CRIM1: variants seen among roughly 807,000 people sequenced by gnomAD.
The protein encoded by CRIM1 is cysteine-rich motor neuron 1 protein.
In CRIM1, 32 loss-of-function variants were observed where a neutral mutation model predicts 116.4. The ratio of observed to expected loss-of-function variants is 0.27; its 90% CI spans 0.21 to 0.37. The LOEUF is 0.37. Among genes scored for constraint, CRIM1 ranks in the 10% least tolerant of loss-of-function variants. CRIM1 has a pLI of 1.00. For missense variants in CRIM1, 1,331 were observed against 1,354.8 expected (o/e 0.98, Z 0.28); for synonymous variants, 590 against 509.2 (o/e 1.16, Z -2.13).
At chr2:36,454,943 C>T (rs1343968812) in intron 4 of CRIM1, among the ~76,000 whole-genome samples, 1 of 152,014 alleles carries the variant, frequency 6.6e-6, no homozygotes, top group Admixed American at 6.6e-5. Context: ...AAGGTAAAGG[C>T]GTTAGGAAGA....
intron 4 of CRIM1, among the ~76,000 whole-genome samples, chr2:36,443,181 T>A (rs1161487821): frequency 6.6e-6 from 1 of 152,234 alleles, no homozygotes; most frequent in Non-Finnish European, 1.5e-5. Context: ...CATTTCTTGC[T>A]GAGGTCAAGA....
chr2:36,523,906 T>C (rs1313823257), intron 13 of CRIM1, among the ~76,000 whole-genome samples: 2 of 152,218 alleles, frequency 1.3e-5, no homozygotes, highest in East Asian at 3.8e-4. Context: ...TGCGTGTTGG[T>C]ATATGAGATG....
chr2:36,361,726 A>G (rs908626182), intron 1 of CRIM1, among the ~76,000 whole-genome samples: 2 of 152,210 alleles, frequency 1.3e-5, no homozygotes, highest in African/African-American at 2.4e-5. Context: ...GTGTTGCTTT[A>G]GCCTGTAAAT....
intron 1 of CRIM1, among the ~76,000 whole-genome samples, chr2:36,394,067 G>A (rs1022212788): frequency 6.6e-6 from 1 of 152,170 alleles, no homozygotes; most frequent in Non-Finnish European, 1.5e-5. Context: ...ATTCAGGAGA[G>A]TGGTGTCTTC....
At chr2:36,534,606 GGACAGGAAGGAAGGAAGGAAAATACA>G (rs1291866852) in intron 13 of CRIM1, among the ~76,000 whole-genome samples, 7 of 147,234 alleles carry the variant, frequency 4.8e-5, no homozygotes, top group Non-Finnish European at 1.5e-5. Flanking sequence ...AGGGAGGGAG[GGACAGGAAGGAAGGAAGGAAAATACA>G]GACAGGAAGG....
chr2:36,483,090 G>A (rs1679542232), intron 7 of CRIM1, among the ~76,000 whole-genome samples: 1 of 152,090 alleles, frequency 6.6e-6, no homozygotes, highest in Non-Finnish European at 1.5e-5. Context: ...CCCAATTCAG[G>A]TATACAGATA....
At chr2:36,385,045 A>G (rs1047293754) in intron 1 of CRIM1, among the ~76,000 whole-genome samples, 3 of 151,886 alleles carry the variant, frequency 2.0e-5, no homozygotes, top group South Asian at 2.1e-4. Context: ...TGGAGTGTGT[A>G]GTAGGAATAA....
chr2:36,478,891 A>G (rs529911160), intron 6 of CRIM1, among the ~76,000 whole-genome samples: 2 of 151,998 alleles, frequency 1.3e-5, no homozygotes, highest in East Asian at 3.9e-4. Context: ...CTGGGGCTGC[A>G]GCTTAGCTTC....
chr2:36,508,440 G>T (rs1016137601), intron 8 of CRIM1, among the ~76,000 whole-genome samples: 1 of 152,180 alleles, frequency 6.6e-6, no homozygotes, highest in Non-Finnish European at 1.5e-5. Flanking sequence ...TGAGGGGACA[G>T]ATGCGTTCTG....
intron 7 of CRIM1, among the ~76,000 whole-genome samples, chr2:36,498,523 T>A (rs1197460165): frequency 6.6e-6 from 1 of 152,198 alleles, no homozygotes; most frequent in African/African-American, 2.4e-5. Flanking sequence ...CCCAAAGCAA[T>A]TCTTCATTAA....
chr2:36,470,548 A>G (rs572389772), intron 5 of CRIM1, among the ~76,000 whole-genome samples: 1 of 152,236 alleles, frequency 6.6e-6, no homozygotes, highest in African/African-American at 2.4e-5. Flanking sequence ...TGCTTTATAA[A>G]TGGAACAACA....
At chr2:36,382,034 G>A (rs1368514441) in intron 1 of CRIM1, among the ~76,000 whole-genome samples, 1 of 152,112 alleles carries the variant, frequency 6.6e-6, no homozygotes, top group Non-Finnish European at 1.5e-5. Flanking sequence ...AGAAAAACCT[G>A]AGGACGTGCC....
intron 15 of CRIM1, 58 bp downstream of exon 15, chr2:36,544,556 T>C: frequency 7.6e-7 from 1 of 1,309,362 alleles, no homozygotes; most frequent in Non-Finnish European, 9.8e-7. Context: ...CTTAGGTGTT[T>C]TCTAATTTTT....
chr2:36,510,184 G>A (rs1298649813), intron 9 of CRIM1, 45 bp downstream of exon 9: 4 of 1,566,140 alleles, frequency 2.6e-6, no homozygotes, highest in Non-Finnish European at 3.5e-6. Context: ...AGTGCAACTT[G>A]GTGAAATGTT....
intron 4 of CRIM1, among the ~76,000 whole-genome samples, chr2:36,462,310 A>G (rs982643949): frequency 6.6e-6 from 1 of 152,226 alleles, no homozygotes; most frequent in African/African-American, 2.4e-5. Flanking sequence ...ACCTCTATGC[A>G]ATATATGTCT....
At chr2:36,366,503 A>G (rs1004281971) in intron 1 of CRIM1, among the ~76,000 whole-genome samples, 5 of 152,192 alleles carry the variant, frequency 3.3e-5, no homozygotes, top group Admixed American at 6.5e-5. Flanking sequence ...CTATTTGGAA[A>G]TTTTAGCAAC....
chr2:36,397,400 T>C (rs867647389), intron 2 of CRIM1, among the ~76,000 whole-genome samples: 8 of 152,144 alleles, frequency 5.3e-5, no homozygotes, highest in African/African-American at 1.9e-4. Flanking sequence ...AGAAATTGAA[T>C]ATATGACTCA....
At chr2:36,449,033 T>TA (rs1676475983) in intron 4 of CRIM1, among the ~76,000 whole-genome samples, 1 of 135,618 alleles carries the variant, frequency 7.4e-6, no homozygotes, top group African/African-American at 2.7e-5. Context: ...TTTTTTGACT[T>TA]GTTTTTTTTT....
chr2:36,361,797 C>T (rs1669241020), intron 1 of CRIM1, among the ~76,000 whole-genome samples: 1 of 152,090 alleles, frequency 6.6e-6, no homozygotes, highest in South Asian at 2.1e-4. Flanking sequence ...AAGCGGGTTC[C>T]TGTAACACTG....
Sources: allele counts gnomAD v4.1 joint callset (sites outside exome capture counted in the v4.1 genomes callset), GRCh38; gene constraint gnomAD v4.1.1; transcripts MANE v1.5; gene names NCBI Gene and HGNC (gene_info 2026-07-23, HGNC 2026-07-21).